CACNB2: variants seen among roughly 807,000 people sequenced by gnomAD.
The protein encoded by CACNB2 is voltage-dependent L-type calcium channel subunit beta-2.
A neutral mutation model predicts 73.3 loss-of-function variants in CACNB2; 42 were observed. That is an observed-to-expected ratio of 0.57 (90% CI 0.45 to 0.74). CACNB2 has a LOEUF of 0.74. Ranked by LOEUF, CACNB2 falls within the 30% of genes least tolerant of loss-of-function variation. CACNB2 has a pLI of 0.00. For synonymous variants in CACNB2, 348 were observed against 310.3 expected (o/e 1.12, Z -1.28); for missense variants, 940 against 853.0 (o/e 1.10, Z -1.27).
intron 3 of CACNB2, among the ~76,000 whole-genome samples, chr10:18,460,511 G>C (rs2047513612): frequency 6.6e-6 from 1 of 151,980 alleles, no homozygotes; most frequent in Non-Finnish European, 1.5e-5. Flanking sequence ...TACAAGCCTA[G>C]AGATTGAGTT....
Position 18,190,442 on chromosome 10 carries a change from G to A in CACNB2, c.213+39467G>A, listed in dbSNP as rs79136165. On this transcript the variant is annotated intron_variant, in intron 2 of 13. Transcript: ENST00000324631. ...ACCCTTCTGTGTAAGAAGACTTGGA[G>A]GGAATGGTCATGGGAGACGTCCTGG... is the stretch of plus-strand genomic sequence containing the variant. Among the ~76,000 whole-genome samples the A allele has an allele frequency of 3.8e-3, 575 of 152,294 alleles. 2 individuals carry two copies. Among genetic ancestry groups the A allele is most frequent in the African/African-American group, 0.013 (529 of 41,556 alleles).
chr10:18,453,441 C>A (rs1007586579), intron 3 of CACNB2, among the ~76,000 whole-genome samples: 1 of 152,310 alleles, frequency 6.6e-6, no homozygotes, highest in African/African-American at 2.4e-5. Context: ...CTCCCTTGAG[C>A]TCTTTCTGTC....
chr10:18,265,374 G>A (rs565592504), intron 2 of CACNB2, among the ~76,000 whole-genome samples: 25 of 151,976 alleles, frequency 1.6e-4, no homozygotes, highest in South Asian at 2.1e-4. Context: ...CTTGTGATCC[G>A]CCCACCTCAG....
intron 3 of CACNB2, among the ~76,000 whole-genome samples, chr10:18,415,481 CAAAG>C (rs1564523764): frequency 9.6e-4 from 134 of 139,638 alleles, no homozygotes; most frequent in Admixed American, 3.4e-3. Context: ...AAAAAAAAAA[CAAAG>C]AAAAGAAAAA....
In CACNB2 at chr10:18,288,814, G is replaced by A. The variant is rs1315720506; in HGVS notation, c.214-113110G>A. On this transcript the variant is annotated intron_variant, in intron 2 of 13. Coordinates refer to ENST00000324631, the MANE Select transcript of CACNB2 (RefSeq NM_201596.3). Reference sequence around the variant, plus strand: ...AATCCCAGCACTTTGGGGGGCCAAGGTGGGCAGATCACTTGAGGTCAGGAG... The same window carrying A: ...AATCCCAGCACTTTGGGGGGCCAAGATGGGCAGATCACTTGAGGTCAGGAG... Among the ~76,000 whole-genome samples, 3 of 152,250 alleles carry A rather than the reference G, an allele frequency of 2.0e-5. 1 individual carries two copies. Among genetic ancestry groups the A allele is most frequent in the East Asian group, 3.9e-4 (2 of 5,184 alleles).
intron 2 of CACNB2, among the ~76,000 whole-genome samples, chr10:18,216,387 A>G (rs1276365890): frequency 6.6e-6 from 1 of 152,198 alleles, no homozygotes; most frequent in African/African-American, 2.4e-5. Context: ...GGTAAAGTCC[A>G]TCAAAAGAAG....
Position 18,303,126 on chromosome 10 carries a change from TAGAC to T in CACNB2, c.214-98795_214-98792del, listed in dbSNP as rs540038700. Among the ~76,000 whole-genome samples the T allele has an allele frequency of 3.9e-5, 6 of 152,274 alleles. No individual in the cohort carries two copies. The East Asian group carries it at 7.7e-4, about 20-fold the overall frequency. On this transcript the variant is annotated intron_variant, in intron 2 of 13. Transcript: ENST00000324631. The stretch of plus-strand genomic sequence containing the variant: ...GGTGTCACCTTTGGAGTTGAAGGAA[TAGAC>T]AGTTTATTCTTGTTTTTGCTTTTCT...
At chr10:18,264,529 C>A (rs902813556) in intron 2 of CACNB2, among the ~76,000 whole-genome samples, 6 of 152,174 alleles carry the variant, frequency 3.9e-5, no homozygotes, top group Admixed American at 3.9e-4. Context: ...TGTCTCCCAC[C>A]TCCCCCAGGG....
chr10:18,418,282 C>G (rs1295632395), intron 3 of CACNB2, among the ~76,000 whole-genome samples: 1 of 152,150 alleles, frequency 6.6e-6, no homozygotes, highest in East Asian at 1.9e-4. Flanking sequence ...ACGATATTAG[C>G]CAGGATGGTC....
At chr10:18,511,362 TAA>T (rs1370606653) in intron 6 of CACNB2, among the ~76,000 whole-genome samples, 3 of 152,192 alleles carry the variant, frequency 2.0e-5, no homozygotes, top group East Asian at 1.9e-4. Flanking sequence ...AATAATTAAA[TAA>T]GAGAGCCTAG....
At chr10:18,449,101 G>A (rs550837238) in intron 3 of CACNB2, among the ~76,000 whole-genome samples, 6 of 152,242 alleles carry the variant, frequency 3.9e-5, no homozygotes, top group African/African-American at 1.4e-4. Flanking sequence ...AAACGAGAAC[G>A]TGCCCAGGTG....
At chr10:18,329,557 G>A (rs1011238358) in intron 2 of CACNB2, among the ~76,000 whole-genome samples, 1 of 149,982 alleles carries the variant, frequency 6.7e-6, no homozygotes, top group Non-Finnish European at 1.5e-5. Flanking sequence ...CTTAAATAAT[G>A]GGCCATTGTA....
chr10:18,425,512 G>A (rs1438788028), intron 3 of CACNB2, among the ~76,000 whole-genome samples: 2 of 59,716 alleles, frequency 3.3e-5, no homozygotes, highest in Non-Finnish European at 6.8e-5. Flanking sequence ...ACAAATAATT[G>A]AAATATTAGC....
chr10:18,480,271 A>T (rs1332663366), intron 3 of CACNB2, among the ~76,000 whole-genome samples: 2 of 151,186 alleles, frequency 1.3e-5, no homozygotes, highest in Non-Finnish European at 1.5e-5. Context: ...TTCACTTTTA[A>T]TTGTTTTTTT....
At position 18,543,114 on chromosome 10, in the gene CACNB2, A is replaced by C. The variant is rs1333090410; in HGVS notation, c.*3390A>C. ...AAACCTGGTTTAAAGTAATTCATAT[A>C]AAACAAATAAAGAGCTGGCTTCTGC... is the stretch of plus-strand genomic sequence containing the variant. On this transcript the variant is annotated 3_prime_UTR_variant, in exon 14 of 14. Transcript: ENST00000324631. 1.3e-5 allele frequency: 2 copies of C among 152,180 alleles called. No individual in the cohort carries two copies. The highest frequency in any genetic ancestry group is 2.9e-5 in the Non-Finnish European group (2 of 68,042). 9.4% of individuals were successfully genotyped at this position (152,180 alleles called of 1,614,324 possible). A position where few individuals can be genotyped will look rare whatever the true frequency, so the allele number is the denominator to read the frequency against.
intron 2 of CACNB2, among the ~76,000 whole-genome samples, chr10:18,341,839 A>G (rs763212957): frequency 2.0e-5 from 3 of 152,302 alleles, no homozygotes; most frequent in Middle Eastern, 3.4e-3. Flanking sequence ...TGTATCATAT[A>G]AAACTGGAAA....
chr10:18,261,387 T>A, intron 2 of CACNB2: 1 of 1,550,514 alleles, frequency 6.4e-7, no homozygotes, highest in Non-Finnish European at 8.7e-7. Context: ...TGGTGCATGT[T>A]GCCTCTTTCA....
At chr10:18,276,117 A>G (rs577874756) in intron 2 of CACNB2, among the ~76,000 whole-genome samples, 2 of 152,318 alleles carry the variant, frequency 1.3e-5, no homozygotes, top group South Asian at 4.1e-4. Flanking sequence ...CCATGCAACA[A>G]TTTCAGTTTC....
At chr10:18,263,782 A>T (rs1428647128) in intron 2 of CACNB2, among the ~76,000 whole-genome samples, 1 of 152,212 alleles carries the variant, frequency 6.6e-6, no homozygotes, top group East Asian at 1.9e-4. Flanking sequence ...TTAACGTTAC[A>T]TTCAGATTCA....
Sources: gnomAD v4.1 joint callset for allele counts (sites outside exome capture counted in the v4.1 genomes callset) on GRCh38, gnomAD v4.1.1 for gene constraint, MANE v1.5 for transcripts, NCBI Gene and HGNC (gene_info 2026-07-23, HGNC 2026-07-21) for gene names.